The following TSPAN9 variants were observed in gnomAD, a reference collection of about 807,000 sequenced individuals.
TSPAN9 encodes tetraspanin-9.
In TSPAN9, 16 loss-of-function variants were observed where a neutral mutation model predicts 31.0. The ratio of observed to expected loss-of-function variants is 0.52; its 90% CI spans 0.35 to 0.78. The LOEUF (loss-of-function observed/expected upper bound fraction) is 0.78. TSPAN9 is among the 30% of genes least tolerant of loss of function. The pLI is 0.01. For synonymous variants in TSPAN9, 145 were observed against 121.6 expected (o/e 1.19, Z -1.27); for missense variants, 272 against 312.5 (o/e 0.87, Z 0.98).
chr12:3,211,797 A>T, intron 3 of TSPAN9: 1 of 1,596,728 alleles, frequency 6.3e-7, no homozygotes, highest in East Asian at 2.2e-5. Flanking sequence ...GTGATTTTAT[A>T]GCATCCTGGG....
intron 2 of TSPAN9, among the ~76,000 whole-genome samples, chr12:3,095,632 A>ACCC (rs750007843): frequency 2.4e-4 from 23 of 93,880 alleles, no homozygotes; most frequent in African/African-American, 8.2e-4. Context: ...CGGAGGGCTG[A>ACCC]CCCCCCCCAC....
chr12:3,081,844 G>GTGTGTGTGTGTGTGTGTGTGTATA (rs57812985), intron 1 of TSPAN9, among the ~76,000 whole-genome samples: 1 of 116,738 alleles, frequency 8.6e-6, no homozygotes, highest in Non-Finnish European at 1.7e-5. Flanking sequence ...GTCTGTGTGT[G>GTGTGTGTGTGTGTGTGTGTGTATA]TATATATATG....
intron 2 of TSPAN9, among the ~76,000 whole-genome samples, chr12:3,121,009 T>G (rs1269562146): frequency 6.6e-6 from 1 of 152,114 alleles, no homozygotes; most frequent in Non-Finnish European, 1.5e-5. Flanking sequence ...GGCCACTGGC[T>G]CCTTTGCAGG....
chr12:3,105,756 A>G (rs960004584), intron 2 of TSPAN9, among the ~76,000 whole-genome samples: 7 of 94,262 alleles, frequency 7.4e-5, no homozygotes, highest in East Asian at 4.0e-4. Context: ...ACTCACACAC[A>G]CGCACACACG....
chr12:3,197,895 T>G (rs1277095987), intron 2 of TSPAN9, among the ~76,000 whole-genome samples: 1 of 51,318 alleles, frequency 1.9e-5, no homozygotes, highest in Non-Finnish European at 3.8e-5. Flanking sequence ...CCAGCACAGG[T>G]CACACCAGCA....
At chr12:3,131,129 G>GAAAAA (rs59457295) in intron 2 of TSPAN9, among the ~76,000 whole-genome samples, 18 of 148,188 alleles carry the variant, frequency 1.2e-4, no homozygotes, top group Admixed American at 1.3e-4. Flanking sequence ...CACTTTTGGG[G>GAAAAA]AAAAAAAAAA....
In TSPAN9 at chr12:3,242,454, C is replaced by T. The variant is rs1320345301; in HGVS notation, c.64-35967C>T. 5.9e-5 allele frequency among the ~76,000 whole-genome samples: 9 copies of T among 152,234 alleles called. 1 individual carries two copies. The highest frequency in any genetic ancestry group is 1.9e-4 in the African/African-American group (8 of 41,460). ...CCATTCTGTAGATGAAGAGCAATAG[C>T]CTGGACATGTGACACGGCCAGTCCA... is the stretch of plus-strand genomic sequence containing the variant. On this transcript the variant is annotated intron_variant, in intron 3 of 8. Coordinates refer to ENST00000011898, the MANE Select transcript of TSPAN9 (RefSeq NM_006675.5).
At chr12:3,210,927 G>C (rs914566033) in intron 3 of TSPAN9, among the ~76,000 whole-genome samples, 4 of 151,870 alleles carry the variant, frequency 2.6e-5, no homozygotes, top group Non-Finnish European at 5.9e-5. Context: ...TGTATTTTTT[G>C]TAAAGGTAGG....
chr12:3,157,868 C>G (rs1049259292), intron 2 of TSPAN9, among the ~76,000 whole-genome samples: 1 of 152,198 alleles, frequency 6.6e-6, no homozygotes, highest in African/African-American at 2.4e-5. Context: ...TGCCTGGCCT[C>G]AGACATGATT....
chr12:3,225,911 G>A (rs1156335227), intron 3 of TSPAN9, among the ~76,000 whole-genome samples: 2 of 152,160 alleles, frequency 1.3e-5, no homozygotes, highest in Non-Finnish European at 2.9e-5. Flanking sequence ...GACGGTCCAT[G>A]TGCACACATT....
intron 3 of TSPAN9, among the ~76,000 whole-genome samples, chr12:3,222,846 C>T (rs1276927234): frequency 1.3e-5 from 2 of 152,188 alleles, no homozygotes; most frequent in Non-Finnish European, 2.9e-5. Flanking sequence ...GATGAAAGAC[C>T]AGCTGACCCT....
At chr12:3,239,908 A>AT (rs2098395692) in intron 3 of TSPAN9, among the ~76,000 whole-genome samples, 1 of 151,232 alleles carries the variant, frequency 6.6e-6, no homozygotes, top group South Asian at 2.1e-4. Context: ...CACTGACTAT[A>AT]TAGGGGGGGG....
At position 3,088,372 on chromosome 12, in the gene TSPAN9, C is replaced by T. The variant is rs578091493; in HGVS notation, c.-18+4653C>T. 3.7e-4 allele frequency among the ~76,000 whole-genome samples: 57 copies of T among 152,280 alleles called. 1 individual carries two copies. In the South Asian group the frequency reaches 0.011, roughly 30 times the overall value. The stretch of plus-strand genomic sequence containing the variant: ...TGGGACCTGGAGGCGCTTACAGCAT[C>T]ACCCATGGTGTGAGTCACTCCAAAT... On this transcript the variant is annotated intron_variant, in intron 2 of 8. Transcript: ENST00000011898.
chr12:3,278,908 G>T, intron 4 of TSPAN9, 84 bp from the exon 5 acceptor site: 1 of 1,444,504 alleles, frequency 6.9e-7, no homozygotes, highest in Non-Finnish European at 9.7e-7. Flanking sequence ...CCACCTAGGC[G>T]CCGCCTGTCC....
intron 2 of TSPAN9, among the ~76,000 whole-genome samples, chr12:3,098,438 A>C (rs1035018784): frequency 5.3e-5 from 8 of 152,168 alleles, no homozygotes; most frequent in African/African-American, 1.9e-4. Context: ...CCTGTTAGGA[A>C]AACTGCCAAA....
chr12:3,252,757 A>G (rs1862269575), intron 3 of TSPAN9, among the ~76,000 whole-genome samples: 1 of 152,236 alleles, frequency 6.6e-6, no homozygotes, highest in African/African-American at 2.4e-5. Context: ...ACTGAAGGGA[A>G]CAGAAAGAGG....
intron 2 of TSPAN9, among the ~76,000 whole-genome samples, chr12:3,180,447 A>G (rs2098358076): frequency 6.6e-6 from 1 of 151,992 alleles, no homozygotes; most frequent in African/African-American, 2.4e-5. Flanking sequence ...ACTGCACTCC[A>G]GCCCAGGCAG....
chr12:3,104,041 C>T (rs934075141), intron 2 of TSPAN9, among the ~76,000 whole-genome samples: 1 of 152,084 alleles, frequency 6.6e-6, no homozygotes, highest in African/African-American at 2.4e-5. Flanking sequence ...GACTGGAAGA[C>T]AGGGAGGGAG....
chr12:3,251,971 T>TGG (rs2153978189), intron 3 of TSPAN9, among the ~76,000 whole-genome samples: 1 of 152,166 alleles, frequency 6.6e-6, no homozygotes, highest in East Asian at 1.9e-4. Flanking sequence ...CTTCTCATGG[T>TGG]GGGGACCTCA....
Sources: gnomAD v4.1 joint callset for allele counts (sites outside exome capture counted in the v4.1 genomes callset) on GRCh38, gnomAD v4.1.1 for gene constraint, MANE v1.5 for transcripts, NCBI Gene and HGNC (gene_info 2026-07-23, HGNC 2026-07-21) for gene names.